PAXIP1: variants seen among roughly 807,000 people sequenced by gnomAD.
PAXIP1 encodes the protein PAX interacting protein 1, also known as PAX-interacting protein 1.
PAXIP1 carries 19 observed loss-of-function variants against 140.6 expected under a neutral mutation model. That is an observed-to-expected ratio of 0.14 (90% CI 0.09 to 0.20). PAXIP1 has a LOEUF of 0.20. Ranked by LOEUF, PAXIP1 falls within the 10% of genes least tolerant of loss-of-function variation. The pLI is 1.00. For missense variants in PAXIP1, 920 were observed against 1,208.6 expected (o/e 0.76, Z 3.54); for synonymous variants, 442 against 444.6 (o/e 0.99, Z 0.07).
At chr7:154,971,493 A>C (rs1809325226) in intron 6 of PAXIP1, among the ~76,000 whole-genome samples, 1 of 152,242 alleles carries the variant, frequency 6.6e-6, no homozygotes, top group Non-Finnish European at 1.5e-5. Flanking sequence ...AAGGCCAGCC[A>C]TCGAGATGCC....
chr7:155,000,463 TA>T (rs1443439395), intron 1 of PAXIP1: 1 of 152,360 alleles, frequency 6.6e-6, no homozygotes, highest in African/African-American at 2.4e-5. Flanking sequence ...CTGTAAACAG[TA>T]AAGTCACCCA....
intron 13 of PAXIP1, among the ~76,000 whole-genome samples, chr7:154,959,287 C>T (rs926793194): frequency 3.3e-5 from 5 of 152,080 alleles, no homozygotes; most frequent in Non-Finnish European, 7.4e-5. Flanking sequence ...GAACATAAAC[C>T]AAAGCCTTTA....
intron 4 of PAXIP1, among the ~76,000 whole-genome samples, chr7:154,990,373 T>TGCA (rs1266294027): frequency 6.6e-6 from 1 of 152,164 alleles, no homozygotes; most frequent in Non-Finnish European, 1.5e-5. Context: ...ATAAAAGAAA[T>TGCA]GCAGGTGAAA....
chr7:154,946,930 T>A lies in PAXIP1; in HGVS notation c.2923-117A>T. 1 of 722,826 alleles carries A rather than the reference T, an allele frequency of 1.4e-6. No individual in the cohort carries two copies. Among genetic ancestry groups the A allele is most frequent in the Non-Finnish European group, 2.2e-6 (1 of 445,144 alleles). 44.8% of individuals were successfully genotyped at this position (722,826 alleles called of 1,614,324 possible). A position where few individuals can be genotyped will look rare whatever the true frequency, so the allele number is the denominator to read the frequency against. ...GACAAAATTTCAAATTTTATGACATTATGAAGGTACTATTCTCCTACTAGC... is the reference window on the plus strand; with the variant it reads ...GACAAAATTTCAAATTTTATGACATAATGAAGGTACTATTCTCCTACTAGC... On this transcript the variant is annotated intron_variant, in intron 17 of 20. Transcript: ENST00000404141. The surrounding 1 kb of genome is among the most constrained non-coding windows in gnomAD (Gnocchi z 4.9).
In PAXIP1 at chr7:154,951,248, GA is replaced by G. The variant is rs1808261874; in HGVS notation, c.2821+3006del. On this transcript the variant is annotated intron_variant, in intron 16 of 20. Transcript: ENST00000404141. Reference sequence around the variant, plus strand: ...AACAGGGAGCCCTAATGTAACTATGGACTTCGGGTGACTGGCCAAGAGTAAG... The same window carrying G: ...AACAGGGAGCCCTAATGTAACTATGGCTTCGGGTGACTGGCCAAGAGTAAG... 4 of 152,282 alleles carry G rather than the reference GA, an allele frequency of 2.6e-5. No individual in the cohort carries two copies. In the South Asian group the frequency reaches 8.3e-4, roughly 32 times the overall value. 9.4% of individuals were successfully genotyped at this position (152,282 alleles called of 1,614,324 possible).
Position 154,963,645 on chromosome 7 carries a change from G to C in PAXIP1, c.1989+26C>G, listed in dbSNP as rs780955900. 2.6e-5 allele frequency: 39 copies of C among 1,508,508 alleles called. No individual in the cohort carries two copies. The African/African-American group carries it at 4.5e-4, about 17-fold the overall frequency. 93.4% of individuals were successfully genotyped at this position (1,508,508 alleles called of 1,614,324 possible). A position where few individuals can be genotyped will look rare whatever the true frequency, so the allele number is the denominator to read the frequency against. ...TTAAAAATGCCAGACCTTGCTCCTG[G>C]TCGCAGCTAAGGCTATTTTCCTTAC... On this transcript the variant is annotated intron_variant, in intron 9 of 20. Transcript: ENST00000404141. The surrounding 1 kb of genome is among the most constrained non-coding windows in gnomAD (Gnocchi z 4.1).
Position 154,961,555 on chromosome 7 carries a change from G to A in PAXIP1, c.2221C>T (p.Arg741Cys), listed in dbSNP as rs1585048092. The change falls in exon 11 of 21, where the codon CGC becomes TGC. Residue 741 changes from arginine (R) to cysteine (C), a missense_variant. Physicochemically the swap from Arg to Cys is radical, Grantham distance 180. This residue lies in a region of PAXIP1 where 303 missense variants were observed against 517.9 expected (regional missense o/e 0.59). Transcript: ENST00000404141. ...AGAKYTGYLC[R>C]SNTVLICKEP... ...TTACAGATGAGGACTGTGTTGCTGC[G>A]GCATAGATAACCCGTATATTTGGCA... The A allele has an allele frequency of 9.3e-6, 15 of 1,606,978 alleles. No homozygotes were observed. The highest frequency in any genetic ancestry group is 1.3e-5 in the African/African-American group (1 of 74,932).
chr7:155,000,731 C>T (rs573934424), intron 1 of PAXIP1: 1 of 152,350 alleles, frequency 6.6e-6, no homozygotes, highest in African/African-American at 2.4e-5. Context: ...TACTGAGTAT[C>T]TTAATAGATT....
chr7:154,958,924 A>C (rs1175307491), intron 13 of PAXIP1, among the ~76,000 whole-genome samples: 1 of 152,228 alleles, frequency 6.6e-6, no homozygotes, highest in Non-Finnish European at 1.5e-5. Flanking sequence ...ATGTCTTTAA[A>C]ATTAAAATCA....
At chr7:154,978,084 C>T (rs754492641) in intron 5 of PAXIP1, among the ~76,000 whole-genome samples, 2 of 152,190 alleles carry the variant, frequency 1.3e-5, no homozygotes, top group Admixed American at 6.5e-5. Context: ...ACTTTGTTTA[C>T]GGATCTCAAA....
rs1022684044 is a variant in PAXIP1, at chr7:155,002,972, G to A, written c.-43C>T. ...AGGCTCCGCGGCGGCGCCCGGCCCCGCCCACCCCCCGCCCCCGGCCCCCGC... is the reference window on the plus strand; with the variant it reads ...AGGCTCCGCGGCGGCGCCCGGCCCCACCCACCCCCCGCCCCCGGCCCCCGC... On this transcript the variant is annotated 5_prime_UTR_variant, in exon 1 of 21. Coordinates refer to ENST00000404141, the MANE Select transcript of PAXIP1 (RefSeq NM_007349.4). 1.4e-6 allele frequency: 1 copy of A among 694,264 alleles called. No homozygotes were observed. The highest frequency in any genetic ancestry group is 1.7e-6 in the Non-Finnish European group (1 of 602,400). The allele number at this position is 694,264 out of a possible 1,614,324, so 43.0% of individuals were successfully genotyped here.
At chr7:154,979,227 A>C (rs1196319935) in intron 5 of PAXIP1, among the ~76,000 whole-genome samples, 1 of 152,140 alleles carries the variant, frequency 6.6e-6, no homozygotes, top group African/African-American at 2.4e-5. Context: ...CCTCTCCCCA[A>C]CAACTAATAA....
intron 1 of PAXIP1, chr7:155,000,751 T>C (rs1810851574): frequency 6.6e-6 from 1 of 152,232 alleles, no homozygotes; most frequent in Non-Finnish European, 1.5e-5. Flanking sequence ...TTATCTCATA[T>C]CACTCTGTTC....
intron 5 of PAXIP1, among the ~76,000 whole-genome samples, chr7:154,980,011 A>G (rs2150770771): frequency 6.6e-6 from 1 of 152,342 alleles, no homozygotes; most frequent in Admixed American, 6.5e-5. Flanking sequence ...GAAATTTGTG[A>G]GAGCCTATTG....
chr7:154,981,123 GAAAA>G (rs572385333), intron 5 of PAXIP1, among the ~76,000 whole-genome samples: 1 of 147,036 alleles, frequency 6.8e-6, no homozygotes. Flanking sequence ...TCTGTCTCAA[GAAAA>G]AAAAAAATTA....
At position 154,998,778 on chromosome 7, in the gene PAXIP1, G is replaced by T; in HGVS notation, c.88C>A (p.Gln30Lys). 1 of 1,609,984 alleles carries T rather than the reference G, an allele frequency of 6.2e-7. No individual in the cohort carries two copies. ...AVGDIDPQVIQLLKAGKAKEV... is the reference protein window; with the variant it reads ...AVGDIDPQVIKLLKAGKAKEV... ...TTCGCTTTTCCAGCCTTGAGAAGCT[G>T]AATAACCTAAAAAACAAGAAAATCC... Residue 30 changes from glutamine to lysine, a missense_variant, in exon 2 of 21, where the codon CAG (glutamine) becomes AAG (lysine). Around this residue, in one of 5 missense-constraint regions of PAXIP1, gnomAD observed 419 missense variants for 514.7 expected, o/e 0.81. Transcript: ENST00000404141.
At chr7:154,983,142 G>T in intron 5 of PAXIP1, 77 bp downstream of exon 5, 1 of 680,578 alleles carries the variant, frequency 1.5e-6, no homozygotes, top group Non-Finnish European at 2.5e-6. Flanking sequence ...TAATTTAAAA[G>T]AAGCTCAAAA....
Position 154,968,631 on chromosome 7 carries a change from G to T in PAXIP1, c.1570C>A (p.Leu524Ile). ...LAQLQQQHSLLQQQQQQQIQQ... is the reference protein window; with the variant it reads ...LAQLQQQHSLIQQQQQQQIQQ... ...ATCTGCTGTTGCTGCTGCTGCTGGAGCAGGCTGTGCTGCTGCTGGAGCTGG... is the reference window on the plus strand; with the variant it reads ...ATCTGCTGTTGCTGCTGCTGCTGGATCAGGCTGTGCTGCTGCTGGAGCTGG... Residue 524 changes from leucine (L) to isoleucine (I), a missense_variant, in exon 7 of 21, where the codon CTC becomes ATC. By Grantham distance (5) the Leu-to-Ile change is conservative. This residue lies in a region of PAXIP1 where 133 missense variants were observed against 88.4 expected (regional missense o/e 1.50). Coordinates refer to ENST00000404141, the MANE Select transcript of PAXIP1 (RefSeq NM_007349.4). The T allele has an allele frequency of 1.4e-6, 1 of 714,638 alleles. No homozygotes were observed. 44.3% of individuals were successfully genotyped at this position (714,638 alleles called of 1,614,324 possible).
chr7:154,962,716 T>C (rs2293263), intron 9 of PAXIP1: 171,551 of 295,070 alleles, frequency 0.58, 50,553 homozygotes, highest in Admixed American at 0.67. Context: ...TAAAAATAAC[T>C]TCAGTGATGA....
Sources: gnomAD v4.1 joint callset for allele counts (sites outside exome capture counted in the v4.1 genomes callset) on GRCh38, gnomAD v4.1.1 for gene constraint, gnomAD v4.1.1 regional missense constraint, Gnocchi (gnomAD v3.1) non-coding constraint, MANE v1.5 for transcripts, NCBI Gene and HGNC (gene_info 2026-07-23, HGNC 2026-07-21) for gene names.